The following ERC2 variants were observed in gnomAD, a reference collection of about 807,000 sequenced individuals.
ERC2 encodes ELKS/RAB6-interacting/CAST family member 2.
ERC2 carries 42 observed loss-of-function variants against 114.8 expected under a neutral mutation model. The observed-to-expected ratio is 0.37, with a 90% CI of 0.29 to 0.47. The LOEUF (loss-of-function observed/expected upper bound fraction) is 0.47, where lower values mean the gene tolerates loss of function less well. Ranked by LOEUF, ERC2 falls within the 20% of genes least tolerant of loss-of-function variation. The pLI is 0.99. For missense variants in ERC2, 939 were observed against 1,150.7 expected (o/e 0.82, Z 2.66); for synonymous variants, 454 against 425.5 (o/e 1.07, Z -0.82).
chr3:55,827,225 A>AAAAG (rs2060360905), intron 14 of ERC2, among the ~76,000 whole-genome samples: 2 of 152,162 alleles, frequency 1.3e-5, no homozygotes, highest in Non-Finnish European at 1.5e-5. Context: ...AGAAGAAAAG[A>AAAAG]AAAGAAAGAA....
intron 1 of ERC2, among the ~76,000 whole-genome samples, chr3:56,442,677 T>G (rs2107458840): frequency 6.6e-6 from 1 of 152,360 alleles, no homozygotes; most frequent in African/African-American, 2.4e-5. Flanking sequence ...TCATATGTAT[T>G]GGGACTGTCC....
intron 17 of ERC2, among the ~76,000 whole-genome samples, chr3:55,653,074 C>T (rs192396729): frequency 3.8e-4 from 58 of 152,158 alleles, no homozygotes; most frequent in Admixed American, 3.6e-3. Context: ...AGTCAAGGGA[C>T]ACACACAAGC....
chr3:56,127,459 A>C (rs1575519480), intron 6 of ERC2, among the ~76,000 whole-genome samples: 1 of 152,172 alleles, frequency 6.6e-6, no homozygotes, highest in Admixed American at 6.5e-5. Flanking sequence ...TGGCCGCAGT[A>C]GCTCACACCT....
rs201161164 is a variant in ERC2, at chr3:55,607,609, A to AGT, written c.*39+76183_*39+76184dup. ...CAGGAAACTAAAGAACTTAGAAAAT[A>AGT]GTGTGTTTTTTTTTTTTTTTTCTAT... On this transcript the variant is annotated intron_variant, in intron 17 of 17. Transcript: ENST00000288221. Among the ~76,000 whole-genome samples the AGT allele has an allele frequency of 7.9e-3, 667 of 84,694 alleles. 1 individual carries two copies. Among genetic ancestry groups the AGT allele is most frequent in the Non-Finnish European group, 0.013 (529 of 41,236 alleles). The allele number at this position is 84,694 out of a possible 152,430, so 55.6% of individuals were successfully genotyped here.
chr3:55,867,381 A>G (rs866561458), intron 14 of ERC2, among the ~76,000 whole-genome samples: 12 of 152,142 alleles, frequency 7.9e-5, no homozygotes, highest in South Asian at 2.1e-4. Context: ...TTTAACTCAA[A>G]TAGTTAAGCC....
At chr3:55,693,966 C>T (rs141925524) in intron 16 of ERC2, among the ~76,000 whole-genome samples, 232 of 152,246 alleles carry the variant, frequency 1.5e-3, no homozygotes, top group Non-Finnish European at 2.6e-3. Flanking sequence ...GCCTCAGCCT[C>T]CCAATGTGTT....
intron 17 of ERC2, among the ~76,000 whole-genome samples, chr3:55,618,852 T>C (rs972505096): frequency 6.6e-6 from 1 of 152,218 alleles, no homozygotes; most frequent in African/African-American, 2.4e-5. Context: ...ATTACTGTCC[T>C]GATCAACAGG....
intron 11 of ERC2, among the ~76,000 whole-genome samples, chr3:55,986,661 AT>A (rs921262283): frequency 1.3e-5 from 2 of 152,026 alleles, no homozygotes; most frequent in Non-Finnish European, 2.9e-5. Context: ...GCTGAGAGTG[AT>A]TTTTTTCAGT....
intron 4 of ERC2, among the ~76,000 whole-genome samples, chr3:56,169,357 T>C (rs1403932890): frequency 1.3e-5 from 2 of 152,254 alleles, no homozygotes; most frequent in Non-Finnish European, 2.9e-5. Flanking sequence ...TAGAAAACTC[T>C]ATGTATTTTC....
chr3:56,363,080 T>C (rs555260102), intron 2 of ERC2, among the ~76,000 whole-genome samples: 2 of 152,084 alleles, frequency 1.3e-5, no homozygotes, highest in African/African-American at 4.8e-5. Context: ...GATACTTTTA[T>C]GATATAGAAG....
At chr3:55,610,301 C>T (rs2058848099) in intron 17 of ERC2, among the ~76,000 whole-genome samples, 1 of 151,990 alleles carries the variant, frequency 6.6e-6, no homozygotes, top group African/African-American at 2.4e-5. Flanking sequence ...CATTCCCCAG[C>T]TCCCCATTTC....
At position 56,456,986 on chromosome 3, in the gene ERC2, C is replaced by T. The variant is rs185082249; in HGVS notation, c.-141+11262G>A. ...TAAAGTAAGAGGCAGACACTATGCA[C>T]GGGATATTGAATAGTGTTCTAGCCC... On this transcript the variant is annotated intron_variant, in intron 1 of 17. Transcript: ENST00000288221. Among the ~76,000 whole-genome samples, 62 of 152,272 alleles carry T rather than the reference C, an allele frequency of 4.1e-4. 1 individual carries two copies. The highest frequency in any genetic ancestry group is 3.9e-4 in the East Asian group (2 of 5,190).
At chr3:55,668,429 G>A (rs77544601) in intron 17 of ERC2, among the ~76,000 whole-genome samples, 3,049 of 152,318 alleles carry the variant, frequency 0.02, 51 homozygotes, top group Non-Finnish European at 0.032. Context: ...GAAAGACTAA[G>A]TAGAGTTACA....
intron 1 of ERC2, among the ~76,000 whole-genome samples, chr3:56,455,153 T>C (rs2063008618): frequency 1.3e-5 from 2 of 152,010 alleles, no homozygotes; most frequent in Non-Finnish European, 2.9e-5. Flanking sequence ...GCAAATATAC[T>C]TAGTACACCA....
chr3:56,143,456 T>C (rs1171807274), intron 5 of ERC2, among the ~76,000 whole-genome samples: 1 of 152,172 alleles, frequency 6.6e-6, no homozygotes, highest in Non-Finnish European at 1.5e-5. Context: ...GTCTTTCCCA[T>C]GCTGTTCTCA....
rs530148562 is a variant in ERC2 at position 56,261,472 on chromosome 3, G to A, written c.1074+34547C>T. Among the ~76,000 whole-genome samples the A allele has an allele frequency of 1.1e-3, 174 of 152,168 alleles. 1 individual carries two copies. The highest frequency in any genetic ancestry group is 3.2e-4 in the Non-Finnish European group (22 of 68,000). ...CTACCTTTCACCCTGAACTTCCTCTGATCCTCCCTGCCTCTCCTACACCCC... is the reference window on the plus strand; with the variant it reads ...CTACCTTTCACCCTGAACTTCCTCTAATCCTCCCTGCCTCTCCTACACCCC... On this transcript the variant is annotated intron_variant, in intron 3 of 17. Transcript: ENST00000288221.
At chr3:55,594,692 C>A (rs929095280) in intron 17 of ERC2, among the ~76,000 whole-genome samples, 1 of 152,050 alleles carries the variant, frequency 6.6e-6, no homozygotes, top group Admixed American at 6.6e-5. Flanking sequence ...CCATTTTGGC[C>A]GAGCTGGTCT....
chr3:55,683,603 G>A lies in ERC2; in HGVS notation c.*39+191C>T, dbSNP rs577176641. On this transcript the variant is annotated intron_variant, in intron 17 of 17. Transcript: ENST00000288221. ...GGCAGAGCAGTAATGTGGTTGTGGG[G>A]TGGGGAGGTGAGGTAGGATGGAGGG... Among the ~76,000 whole-genome samples, 41 of 152,272 alleles carry A rather than the reference G, an allele frequency of 2.7e-4. No homozygotes were observed. In the East Asian group the frequency reaches 7.3e-3, roughly 27 times the overall value.
chr3:56,299,096 G>GTTTTTTTTTGTTT (rs1443713642), intron 2 of ERC2, among the ~76,000 whole-genome samples: 5 of 141,686 alleles, frequency 3.5e-5, no homozygotes, highest in African/African-American at 1.1e-4. Context: ...TAGGTAGATA[G>GTTTTTTTTTGTTT]TTTTTTTTTG....
Sources: allele counts gnomAD v4.1 joint callset (sites outside exome capture counted in the v4.1 genomes callset), GRCh38; gene constraint gnomAD v4.1.1; transcripts MANE v1.5; gene names NCBI Gene and HGNC (gene_info 2026-07-23, HGNC 2026-07-21).